The following CNTNAP2 variants were observed in gnomAD, a reference collection of about 807,000 sequenced individuals.
CNTNAP2 encodes contactin associated protein 2.
In CNTNAP2, 98 loss-of-function variants were observed where a neutral mutation model predicts 155.2. The observed-to-expected ratio is 0.63, with a 90% CI of 0.54 to 0.75. The LOEUF (loss-of-function observed/expected upper bound fraction) is 0.75. Ranked by LOEUF, CNTNAP2 falls within the 30% of genes least tolerant of loss-of-function variation. The pLI, the probability that CNTNAP2 is intolerant of heterozygous loss-of-function variation, is 0.00. For missense variants in CNTNAP2, 1,727 were observed against 1,688.1 expected (o/e 1.02, Z -0.40); for synonymous variants, 651 against 631.2 (o/e 1.03, Z -0.47).
intron 1 of CNTNAP2, among the ~76,000 whole-genome samples, chr7:146,646,302 A>G (rs1324845129): frequency 6.6e-6 from 1 of 152,156 alleles, no homozygotes; most frequent in African/African-American, 2.4e-5. Flanking sequence ...TTTGTGAAAT[A>G]TATGTGAATG....
chr7:147,608,538 G>C (rs879363564), intron 12 of CNTNAP2, among the ~76,000 whole-genome samples: 28 of 152,162 alleles, frequency 1.8e-4, no homozygotes, highest in Admixed American at 1.3e-3. Context: ...CTGGGTTCAA[G>C]CAATCCTCCT....
chr7:147,628,349 T>A (rs546667796), intron 12 of CNTNAP2, among the ~76,000 whole-genome samples: 1 of 152,258 alleles, frequency 6.6e-6, no homozygotes, highest in South Asian at 2.1e-4. Flanking sequence ...AACAAAATAA[T>A]TGTCAGCCCA....
chr7:147,125,804 AG>A (rs1282729285), intron 6 of CNTNAP2, among the ~76,000 whole-genome samples: 2 of 152,236 alleles, frequency 1.3e-5, no homozygotes, highest in Non-Finnish European at 2.9e-5. Flanking sequence ...AGGAGGCAAC[AG>A]GAAGTAATAG....
chr7:146,966,963 A>T (rs773647977), intron 3 of CNTNAP2, among the ~76,000 whole-genome samples: 8 of 152,226 alleles, frequency 5.3e-5, no homozygotes, highest in African/African-American at 1.9e-4. Flanking sequence ...GGACACAGGC[A>T]GCCAAAAGGA....
chr7:146,597,904 C>T (rs1798887489), intron 1 of CNTNAP2, among the ~76,000 whole-genome samples: 1 of 152,084 alleles, frequency 6.6e-6, no homozygotes, highest in African/African-American at 2.4e-5. Context: ...AACCTCTTCT[C>T]CTAGAGTCAC....
At chr7:146,962,641 C>G (rs1402947919) in intron 3 of CNTNAP2, among the ~76,000 whole-genome samples, 2 of 152,182 alleles carry the variant, frequency 1.3e-5, no homozygotes, top group African/African-American at 4.8e-5. Context: ...ACCTCCACCT[C>G]CTGGGTTCAA....
At chr7:146,979,799 T>A (rs1308584800) in intron 3 of CNTNAP2, among the ~76,000 whole-genome samples, 4 of 152,222 alleles carry the variant, frequency 2.6e-5, no homozygotes. Context: ...CTATGTAAGC[T>A]GAAAACTCTG....
intron 1 of CNTNAP2, among the ~76,000 whole-genome samples, chr7:146,422,205 A>T (rs930614055): frequency 6.6e-6 from 1 of 151,608 alleles, no homozygotes; most frequent in South Asian, 2.1e-4. Context: ...AGTAGTGTAC[A>T]TTGTACCTAT....
Position 148,099,352 on chromosome 7 carries a change from G to A in CNTNAP2, c.2384-18766G>A, listed in dbSNP as rs78536263. 1.1e-3 allele frequency among the ~76,000 whole-genome samples: 167 copies of A among 151,908 alleles called. 5 individuals carry two copies. The East Asian group carries it at 0.03, about 28-fold the overall frequency. On this transcript the variant is annotated intron_variant, in intron 15 of 23. Transcript: ENST00000361727. The stretch of plus-strand genomic sequence containing the variant: ...ACTCCATGAATTTAGAATGTTAATG[G>A]AATAAGGATTGGAGAAGAAAAATTT...
At chr7:146,811,132 C>T (rs145031909) in intron 2 of CNTNAP2, among the ~76,000 whole-genome samples, 27 of 152,206 alleles carry the variant, frequency 1.8e-4, no homozygotes, top group South Asian at 4.1e-4. Flanking sequence ...TTGATATGAA[C>T]GTTACTGGCC....
chr7:146,437,414 C>T (rs1379137381), intron 1 of CNTNAP2, among the ~76,000 whole-genome samples: 1 of 151,288 alleles, frequency 6.6e-6, no homozygotes, highest in Non-Finnish European at 1.5e-5. Flanking sequence ...TAATAAATGC[C>T]ATATTGAATC....
chr7:146,372,600 A>T (rs1469330771), intron 1 of CNTNAP2, among the ~76,000 whole-genome samples: 1 of 152,040 alleles, frequency 6.6e-6, no homozygotes. Context: ...CCAAATGATC[A>T]CTTCAAAGAG....
intron 1 of CNTNAP2, among the ~76,000 whole-genome samples, chr7:146,349,607 T>A (rs1048707550): frequency 6.6e-6 from 1 of 152,208 alleles, no homozygotes; most frequent in Non-Finnish European, 1.5e-5. Context: ...TGGCTGGTAC[T>A]GGTTGTTCCT....
chr7:147,342,561 A>G (rs984465643), intron 9 of CNTNAP2, among the ~76,000 whole-genome samples: 3 of 152,206 alleles, frequency 2.0e-5, no homozygotes, highest in Non-Finnish European at 2.9e-5. Flanking sequence ...TTCTATACTT[A>G]TATGTGGTTA....
intron 3 of CNTNAP2, among the ~76,000 whole-genome samples, chr7:146,854,007 A>G (rs1794930343): frequency 6.6e-6 from 1 of 152,228 alleles, no homozygotes. Context: ...GAACACATGA[A>G]AAGCCTAGGA....
intron 14 of CNTNAP2, among the ~76,000 whole-genome samples, chr7:147,956,357 G>A: frequency 6.6e-6 from 1 of 150,444 alleles, no homozygotes; most frequent in East Asian, 1.9e-4. Flanking sequence ...GTTTTCATTT[G>A]AGCCATGTTT....
chr7:147,928,984 C>T (rs554940272), intron 14 of CNTNAP2, among the ~76,000 whole-genome samples: 1 of 146,640 alleles, frequency 6.8e-6, no homozygotes, highest in Non-Finnish European at 1.5e-5. Context: ...CCCAGCTACT[C>T]AGGAGGCTGA....
intron 21 of CNTNAP2, among the ~76,000 whole-genome samples, chr7:148,289,508 GT>G (rs148795960): frequency 8.6e-5 from 13 of 151,860 alleles, no homozygotes; most frequent in African/African-American, 3.2e-4. Flanking sequence ...AACTTACTTG[GT>G]TTTTTTCATT....
intron 3 of CNTNAP2, among the ~76,000 whole-genome samples, chr7:146,858,158 T>C (rs147028528): frequency 6.6e-6 from 1 of 152,204 alleles, no homozygotes; most frequent in East Asian, 1.9e-4. Flanking sequence ...CGGTGGCAAC[T>C]CAAGTCTGAG....
Sources: allele counts gnomAD v4.1 joint callset (sites outside exome capture counted in the v4.1 genomes callset), GRCh38; gene constraint gnomAD v4.1.1; transcripts MANE v1.5; gene names NCBI Gene and HGNC (gene_info 2026-07-23, HGNC 2026-07-21).